ZFHX3: variants seen among roughly 807,000 people sequenced by gnomAD.
ZFHX3 encodes the protein zinc finger homeobox protein 3.
ZFHX3 carries 42 observed loss-of-function variants against 279.1 expected under a neutral mutation model. That is an observed-to-expected ratio of 0.15 (90% confidence interval 0.12 to 0.19). The LOEUF (loss-of-function observed/expected upper bound fraction) is 0.19. ZFHX3 is among the 10% of genes least tolerant of loss of function. The pLI, the probability that ZFHX3 is intolerant of heterozygous loss-of-function variation, is 1.00. For missense variants in ZFHX3, 4,981 were observed against 4,754.0 expected (o/e 1.05, Z -1.40); for synonymous variants, 2,293 against 1,957.8 (o/e 1.17, Z -4.52).
intron 4 of ZFHX3, among the ~76,000 whole-genome samples, chr16:73,284,683 A>C (rs2014549180): frequency 6.6e-6 from 1 of 152,148 alleles, no homozygotes; most frequent in African/African-American, 2.4e-5. Flanking sequence ...TGCAATGGTC[A>C]CATAGTATTC....
intron 3 of ZFHX3, among the ~76,000 whole-genome samples, chr16:72,925,509 A>T (rs955492178): frequency 1.3e-5 from 2 of 152,274 alleles, no homozygotes; most frequent in African/African-American, 4.8e-5. Flanking sequence ...GCAATGCTGC[A>T]TACGCACGCT....
At chr16:73,340,484 G>A (rs746190197) in intron 3 of ZFHX3, among the ~76,000 whole-genome samples, 1 of 152,206 alleles carries the variant, frequency 6.6e-6, no homozygotes, top group Non-Finnish European at 1.5e-5. Flanking sequence ...AGCCTCCTGA[G>A]TAGCTGGGAT....
Position 72,845,547 on chromosome 16 carries a change from G to A in ZFHX3, c.3449-15688C>T, listed in dbSNP as rs574283743. Among the ~76,000 whole-genome samples the A allele has an allele frequency of 2.6e-5, 4 of 152,208 alleles. No homozygotes were observed. In the South Asian group the frequency reaches 8.3e-4, roughly 32 times the overall value. ...AACTCACATCACTGCCCCACGCCAC[G>A]TGCTCCCACGCTCTGTGTCACGGCA... On this transcript the variant is annotated intron_variant, in intron 4 of 9. Transcript: ENST00000268489.
At chr16:73,636,435 T>C (rs12919756) in intron 2 of ZFHX3, among the ~76,000 whole-genome samples, 88,194 of 151,986 alleles carry the variant, frequency 0.58, 28,662 homozygotes, top group East Asian at 0.83. Flanking sequence ...ATAACTAGGA[T>C]GTAATGTATA....
chr16:73,421,170 G>C (rs774992679), intron 3 of ZFHX3: 3 of 151,992 alleles, frequency 2.0e-5, no homozygotes, highest in Non-Finnish European at 4.4e-5. Context: ...AAAATAAAAG[G>C]AAAACAAAAT....
At chr16:73,202,893 A>ATCTT (rs1259085121) in intron 5 of ZFHX3, among the ~76,000 whole-genome samples, 3 of 136,046 alleles carry the variant, frequency 2.2e-5, no homozygotes, top group African/African-American at 5.7e-5. Flanking sequence ...ACAAGGCTTC[A>ATCTT]TCTTTCTTTC....
At chr16:73,721,267 G>A (rs982819041) in intron 1 of ZFHX3, among the ~76,000 whole-genome samples, 26 of 152,230 alleles carry the variant, frequency 1.7e-4, no homozygotes, top group African/African-American at 4.8e-4. Context: ...GACTACAGGC[G>A]TGAGCCACCA....
intron 2 of ZFHX3, among the ~76,000 whole-genome samples, chr16:73,657,398 C>T (rs573131728): frequency 2.2e-4 from 33 of 152,332 alleles, no homozygotes; most frequent in African/African-American, 7.7e-4. Context: ...GCAGAGGTTG[C>T]AGCGAGCCAA....
At chr16:73,709,879 C>T (rs547111951) in intron 1 of ZFHX3, among the ~76,000 whole-genome samples, 2 of 152,198 alleles carry the variant, frequency 1.3e-5, no homozygotes, top group African/African-American at 2.4e-5. Flanking sequence ...ACAAGTTGTA[C>T]ATCATAAATA....
chr16:73,386,969 A>T (rs2016913292), intron 3 of ZFHX3: 1 of 152,142 alleles, frequency 6.6e-6, no homozygotes, highest in African/African-American at 2.4e-5. Context: ...CTCAGGATCC[A>T]TTTTTCCAGT....
intron 1 of ZFHX3, among the ~76,000 whole-genome samples, chr16:72,972,330 G>C (rs977059886): frequency 6.6e-6 from 1 of 152,166 alleles, no homozygotes; most frequent in African/African-American, 2.4e-5. Context: ...GGACAGGAGA[G>C]AGTCTGACCT....
At chr16:73,661,585 G>C (rs1597053095) in intron 2 of ZFHX3, among the ~76,000 whole-genome samples, 1 of 152,092 alleles carries the variant, frequency 6.6e-6, no homozygotes, top group Non-Finnish European at 1.5e-5. Flanking sequence ...AGTCAGGCGT[G>C]GTGGTGCATG....
intron 4 of ZFHX3, among the ~76,000 whole-genome samples, chr16:72,855,684 C>G (rs2037737493): frequency 6.6e-6 from 1 of 152,144 alleles, no homozygotes; most frequent in South Asian, 2.1e-4. Flanking sequence ...ATTTCAATAC[C>G]CTGCACCAGG....
At chr16:72,846,997 A>C (rs1377704477) in intron 4 of ZFHX3, among the ~76,000 whole-genome samples, 1 of 152,210 alleles carries the variant, frequency 6.6e-6, no homozygotes, top group Non-Finnish European at 1.5e-5. Context: ...GGGCAGCACC[A>C]AGACTGGGGT....
chr16:73,724,931 T>G (rs868214700), intron 1 of ZFHX3, among the ~76,000 whole-genome samples: 1 of 152,094 alleles, frequency 6.6e-6, no homozygotes, highest in African/African-American at 2.4e-5. Context: ...CTGGGCCTTC[T>G]CCCTCCAAAA....
intron 1 of ZFHX3, among the ~76,000 whole-genome samples, chr16:73,868,055 G>T (rs80044321): frequency 0.023 from 3,548 of 152,224 alleles, 166 homozygotes; most frequent in African/African-American, 0.082. Flanking sequence ...CCTAAACCTG[G>T]TCTTCTTGTC....
At chr16:73,478,896 C>CA (rs1164528170) in intron 2 of ZFHX3, among the ~76,000 whole-genome samples, 3 of 152,044 alleles carry the variant, frequency 2.0e-5, no homozygotes, top group Non-Finnish European at 2.9e-5. Flanking sequence ...ACTAAAAATA[C>CA]AAAAAATTAG....
At chr16:73,291,799 G>C (rs1243037229) in intron 4 of ZFHX3, among the ~76,000 whole-genome samples, 3 of 152,212 alleles carry the variant, frequency 2.0e-5, no homozygotes, top group Non-Finnish European at 2.9e-5. Context: ...TTCTACATGA[G>C]AGATCTATAT....
intron 1 of ZFHX3, among the ~76,000 whole-genome samples, chr16:73,681,250 A>G (rs1239235792): frequency 6.6e-6 from 1 of 152,178 alleles, no homozygotes; most frequent in African/African-American, 2.4e-5. Context: ...ATAGGTGACA[A>G]TTGTTTTTAG....
Sources: allele counts gnomAD v4.1 joint callset (sites outside exome capture counted in the v4.1 genomes callset), GRCh38; gene constraint gnomAD v4.1.1; transcripts MANE v1.5; gene names NCBI Gene and HGNC (gene_info 2026-07-23, HGNC 2026-07-21).